ATP13A4: variants seen among roughly 807,000 people sequenced by gnomAD.
The protein encoded by ATP13A4 is probable cation-transporting ATPase 13A4.
In ATP13A4, 114 loss-of-function variants were observed where a neutral mutation model predicts 142.5. That is an observed-to-expected ratio of 0.80 (90% CI 0.69 to 0.93). The LOEUF (loss-of-function observed/expected upper bound fraction) is 0.93, where lower values mean the gene tolerates loss of function less well. Ranked by LOEUF, ATP13A4 falls within the 40% of genes least tolerant of loss-of-function variation. The pLI is 0.00. For synonymous variants in ATP13A4, 488 were observed against 514.8 expected, an observed-to-expected ratio of 0.95 and a Z score of 0.70; for missense variants, 1,392 against 1,454.0, an observed-to-expected ratio of 0.96 and a Z score of 0.69.
intron 5 of ATP13A4, 134 bp from the exon 6 acceptor site, chr3:193,491,532 A>G (rs766662666): frequency 1.6e-4 from 117 of 726,590 alleles, no homozygotes; most frequent in Non-Finnish European, 2.6e-4. Flanking sequence ...CTTGTTAAAT[A>G]CCATTCTGAT....
At chr3:193,504,955 T>C (rs1720778775) in intron 2 of ATP13A4, among the ~76,000 whole-genome samples, 1 of 152,182 alleles carries the variant, frequency 6.6e-6, no homozygotes, top group Admixed American at 6.5e-5. Flanking sequence ...TGTTATGTTA[T>C]CTTATTTTAG....
intron 1 of ATP13A4, among the ~76,000 whole-genome samples, chr3:193,589,180 A>ATATATATATGTGTGTGTG (rs1175256837): frequency 2.0e-5 from 3 of 151,228 alleles, no homozygotes; most frequent in African/African-American, 7.3e-5. Flanking sequence ...ATATATATAT[A>ATATATATATGTGTGTGTG]TGTGTGTGTG....
rs1714247173 is a variant in ATP13A4 at position 193,401,149 on chromosome 3, G to T, written c.*1503C>A. On this transcript the variant is annotated 3_prime_UTR_variant, in exon 30 of 30. Coordinates refer to ENST00000342695, the MANE Select transcript of ATP13A4 (RefSeq NM_032279.4). ...GCAAATGCTATTGATAAGTTCCAAA[G>T]CCAGCCTGGGCCAGGACACTTATCC... is the stretch of plus-strand genomic sequence containing the variant. Among the ~76,000 whole-genome samples, 1 of 152,140 alleles carries T rather than the reference G, an allele frequency of 6.6e-6. No homozygotes were observed. The highest frequency in any genetic ancestry group is 1.5e-5 in the Non-Finnish European group (1 of 68,030).
At chr3:193,527,610 TAAAA>T (rs749744484) in intron 1 of ATP13A4, among the ~76,000 whole-genome samples, 4 of 127,506 alleles carry the variant, frequency 3.1e-5, no homozygotes, top group Admixed American at 7.9e-5. Flanking sequence ...AGGCTCCATC[TAAAA>T]AAAAAAAAAA....
Position 193,592,977 on chromosome 3 carries a change from G to T in ATP13A4, n.91+44C>A, listed in dbSNP as rs1188120297. On this transcript the variant is annotated intron_variant and non_coding_transcript_variant, in intron 1 of 3. Coordinates refer to the ATP13A4 transcript ENST00000489140. The stretch of plus-strand genomic sequence containing the variant: ...TCATTCCACGCCTTTAGCCCTTCCC[G>T]TTCCCGCCCAACTCTCGCTCCCTCC... 2.2e-5 allele frequency: 5 copies of T among 224,508 alleles called. No homozygotes were observed. In the East Asian group the frequency reaches 4.6e-4, roughly 21 times the overall value. 13.9% of individuals were successfully genotyped at this position (224,508 alleles called of 1,614,324 possible).
chr3:193,471,793 C>T (rs971213205), intron 8 of ATP13A4, among the ~76,000 whole-genome samples: 1 of 152,272 alleles, frequency 6.6e-6, no homozygotes, highest in Admixed American at 6.5e-5. Flanking sequence ...GATTGCCTGC[C>T]TGCCTGCCTT....
At chr3:193,478,004 G>T (rs1719068322) in intron 8 of ATP13A4, among the ~76,000 whole-genome samples, 1 of 151,904 alleles carries the variant, frequency 6.6e-6, no homozygotes, top group African/African-American at 2.4e-5. Flanking sequence ...ACTGAAAACT[G>T]CAAAACACTG....
At chr3:193,532,272 G>A (rs976489090) in intron 1 of ATP13A4, among the ~76,000 whole-genome samples, 32 of 151,778 alleles carry the variant, frequency 2.1e-4, no homozygotes, top group African/African-American at 7.5e-4. Flanking sequence ...TCTGTAAAGT[G>A]CTTACATAAT....
chr3:193,466,789 AG>A (rs11360486), intron 10 of ATP13A4, among the ~76,000 whole-genome samples: 36,526 of 152,138 alleles, frequency 0.24, 4,531 homozygotes, highest in South Asian at 0.36. Flanking sequence ...TATACTGCAA[AG>A]GCACATACAT....
chr3:193,401,949 A>G lies in ATP13A4; in HGVS notation c.*703T>C, dbSNP rs1331855914. On this transcript the variant is annotated 3_prime_UTR_variant, in exon 30 of 30. Transcript: ENST00000342695. ...TCTCCAGTCTATTCCTTCCCCCATC[A>G]CAGTCAACACACAGTCCTTGCATCG... is the stretch of plus-strand genomic sequence containing the variant. The G allele has an allele frequency of 6.6e-6, 1 of 152,336 alleles. No individual in the cohort carries two copies. Among genetic ancestry groups the G allele is most frequent in the East Asian group, 1.9e-4 (1 of 5,192 alleles). 9.4% of individuals were successfully genotyped at this position (152,336 alleles called of 1,614,324 possible).
rs553695276 is a variant in ATP13A4, at chr3:193,564,418, G to A, written n.291+17289C>T. ...TTATCTCAAGGAACAGGAGATTTAG[G>A]AAGTACAGGTTGGTCATCATCAAGT... On this transcript the variant is annotated intron_variant and non_coding_transcript_variant, in intron 2 of 3. Coordinates refer to the ATP13A4 transcript ENST00000489140. Among the ~76,000 whole-genome samples, 219 of 152,318 alleles carry A rather than the reference G, an allele frequency of 1.4e-3. 3 individuals carry two copies. Among genetic ancestry groups the A allele is most frequent in the Non-Finnish European group, 2.5e-3 (170 of 68,024 alleles).
chr3:193,500,189 C>T (rs992479821), intron 3 of ATP13A4, among the ~76,000 whole-genome samples: 3 of 152,170 alleles, frequency 2.0e-5, no homozygotes, highest in Non-Finnish European at 2.9e-5. Flanking sequence ...AACCAAGTAT[C>T]TGCTGCGGGG....
At chr3:193,483,806 T>A (rs560197921) in intron 8 of ATP13A4, 130 bp downstream of exon 8, 1 of 863,086 alleles carries the variant, frequency 1.2e-6, no homozygotes, top group Non-Finnish European at 1.9e-6. Context: ...AAGTTCCTCA[T>A]CCCTTTGAAC....
intron 1 of ATP13A4, 70 bp from the exon 2 acceptor site, chr3:193,514,941 T>C: frequency 6.5e-7 from 1 of 1,542,894 alleles, no homozygotes; most frequent in Non-Finnish European, 8.9e-7. Flanking sequence ...AAATACTGAT[T>C]TTAGTGATGG....
chr3:193,465,007 CCT>C lies in ATP13A4; in HGVS notation c.1392_1393del (p.Gly465HisfsTer5). 8 of 1,614,106 alleles carry C rather than the reference CCT, an allele frequency of 5.0e-6. No homozygotes were observed. Among genetic ancestry groups the C allele is most frequent in the Non-Finnish European group, 6.8e-6 (8 of 1,180,002 alleles). On this transcript the variant is annotated frameshift_variant, in exon 12 of 30. Coordinates refer to ENST00000342695, the MANE Select transcript of ATP13A4 (RefSeq NM_032279.4). LOFTEE classifies it high-confidence loss of function. ...CCTCTGGGGGCTAATGCAGAAGATG[CCT>C]CTCTTCTTCAGCCTCCTCTGGGCAT... is the stretch of plus-strand genomic sequence containing the variant.
At chr3:193,404,107 C>T in intron 29 of ATP13A4, 1 of 985,368 alleles carries the variant, frequency 1.0e-6, no homozygotes. Flanking sequence ...ATTCTACTTT[C>T]CTGCAGCAAG....
At chr3:193,441,316 C>T (rs973638419) in intron 20 of ATP13A4, 150 bp downstream of exon 20, 1 of 988,196 alleles carries the variant, frequency 1.0e-6, no homozygotes. Flanking sequence ...ACAATAGTAT[C>T]TTCTGCAAAA....
intron 28 of ATP13A4, among the ~76,000 whole-genome samples, chr3:193,408,799 C>T (rs80271860): frequency 0.051 from 7,621 of 150,118 alleles, 325 homozygotes; most frequent in East Asian, 0.18. Flanking sequence ...TCCCTCCCTT[C>T]GTTTTAGAGG....
chr3:193,554,604 G>A, intron 1 of ATP13A4, 136 bp downstream of exon 1: 1 of 1,119,906 alleles, frequency 8.9e-7, no homozygotes. Flanking sequence ...CTTTTCTCGT[G>A]TAATACCAGA....
Sources: allele counts gnomAD v4.1 joint callset (sites outside exome capture counted in the v4.1 genomes callset), GRCh38; gene constraint gnomAD v4.1.1; transcripts MANE v1.5; gene names NCBI Gene and HGNC (gene_info 2026-07-23, HGNC 2026-07-21).